DGKB: variants seen among roughly 807,000 people sequenced by gnomAD.
The protein encoded by DGKB is diacylglycerol kinase beta.
A neutral mutation model predicts 114.3 loss-of-function variants in DGKB; 67 were observed. That is an observed-to-expected ratio of 0.59 (90% confidence interval 0.48 to 0.72). The LOEUF is 0.72. Ranked by LOEUF, DGKB falls within the 30% of genes least tolerant of loss-of-function variation. The pLI is 0.00. For synonymous variants in DGKB, 398 were observed against 323.1 expected, an observed-to-expected ratio of 1.23 and a Z score of -2.49; for missense variants, 907 against 975.2, an observed-to-expected ratio of 0.93 and a Z score of 0.93.
At chr7:14,964,172 C>A (rs1787023273) in intron 1 of DGKB, among the ~76,000 whole-genome samples, 1 of 152,008 alleles carries the variant, frequency 6.6e-6, no homozygotes, top group Non-Finnish European at 1.5e-5. Flanking sequence ...TGTGCTAAGG[C>A]ATAGAGTCAC....
At chr7:14,752,181 G>C (rs149672467) in intron 4 of DGKB, among the ~76,000 whole-genome samples, 2 of 151,994 alleles carry the variant, frequency 1.3e-5, no homozygotes, top group African/African-American at 4.8e-5. Context: ...GGTTGAATTT[G>C]GTTCTAGAAG....
At chr7:14,356,814 GTTTCAAAGAACATC>G (rs892842608) in intron 21 of DGKB, among the ~76,000 whole-genome samples, 42 of 152,238 alleles carry the variant, frequency 2.8e-4, no homozygotes, top group Admixed American at 1.5e-3. Context: ...GTTCTCATTG[GTTTCAAAGAACATC>G]TTTATTTCTG....
At chr7:14,649,867 T>G (rs968221757) in intron 13 of DGKB, among the ~76,000 whole-genome samples, 217 of 139,378 alleles carry the variant, frequency 1.6e-3, no homozygotes, top group Non-Finnish European at 2.2e-3. Flanking sequence ...TAAAACAGAC[T>G]TTAAACCAAC....
At chr7:14,537,006 C>T (rs1431278399) in intron 20 of DGKB, among the ~76,000 whole-genome samples, 2 of 152,064 alleles carry the variant, frequency 1.3e-5, no homozygotes, top group African/African-American at 2.4e-5. Flanking sequence ...AAAGCAGTTG[C>T]ATTTCTATCC....
intron 20 of DGKB, among the ~76,000 whole-genome samples, chr7:14,540,389 G>A (rs1053999385): frequency 5.9e-5 from 9 of 152,156 alleles, no homozygotes; most frequent in African/African-American, 2.2e-4. Flanking sequence ...AGAGGTGATT[G>A]TGCTTTGTTT....
chr7:14,944,711 A>C (rs1785771707), intron 1 of DGKB, among the ~76,000 whole-genome samples: 1 of 151,760 alleles, frequency 6.6e-6, no homozygotes, highest in Non-Finnish European at 1.5e-5. Flanking sequence ...TCATAGGGAC[A>C]TCTCATAGGT....
At chr7:14,596,740 T>C (rs904671038) in intron 17 of DGKB, among the ~76,000 whole-genome samples, 1 of 152,158 alleles carries the variant, frequency 6.6e-6, no homozygotes, top group Non-Finnish European at 1.5e-5. Flanking sequence ...TTTTTCCATA[T>C]AGATGCCCAA....
At chr7:14,436,195 T>C (rs1829238343) in intron 21 of DGKB, among the ~76,000 whole-genome samples, 1 of 152,160 alleles carries the variant, frequency 6.6e-6, no homozygotes, top group South Asian at 2.1e-4. Context: ...TAAAATGTTG[T>C]TAATACACTG....
chr7:14,289,772 C>T (rs1181564971), intron 23 of DGKB, among the ~76,000 whole-genome samples: 1 of 144,444 alleles, frequency 6.9e-6, no homozygotes, highest in Non-Finnish European at 1.5e-5. Flanking sequence ...AACACAAAAC[C>T]CTAATGAAAG....
intron 23 of DGKB, among the ~76,000 whole-genome samples, chr7:14,263,567 G>T (rs1374759539): frequency 6.6e-6 from 1 of 152,158 alleles, no homozygotes; most frequent in African/African-American, 2.4e-5. Context: ...TTAGGAATCA[G>T]TTCAGATATT....
intron 20 of DGKB, among the ~76,000 whole-genome samples, chr7:14,479,444 G>T (rs1782670564): frequency 1.3e-5 from 2 of 152,020 alleles, no homozygotes; most frequent in African/African-American, 4.8e-5. Context: ...GTAATTGAAT[G>T]AATCCATGAA....
At chr7:14,269,120 G>A (rs1049762748) in intron 23 of DGKB, 1 of 152,292 alleles carries the variant, frequency 6.6e-6, no homozygotes, top group Non-Finnish European at 1.5e-5. Context: ...TCGGCAGAAA[G>A]CCTTAGCTCC....
intron 20 of DGKB, among the ~76,000 whole-genome samples, chr7:14,560,823 T>G (rs1796549298): frequency 6.6e-6 from 1 of 152,182 alleles, no homozygotes; most frequent in African/African-American, 2.4e-5. Flanking sequence ...ATCCCAACAT[T>G]ATGCAGGAGT....
At chr7:14,180,754 G>T (rs967632891) in intron 23 of DGKB, among the ~76,000 whole-genome samples, 1 of 152,066 alleles carries the variant, frequency 6.6e-6, no homozygotes, top group South Asian at 2.1e-4. Flanking sequence ...TGAGATCAGG[G>T]TCCTGATTGA....
rs142341108 is a variant in DGKB, at chr7:14,930,817, G to A, written c.-188+43879C>T. On this transcript the variant is annotated intron_variant, in intron 1 of 4. Transcript: ENST00000437998. ...GAGGGAATGATTTCAACTTTTCCCT[G>A]TTCAGTATGATGTTGGTTGTGGGTT... 2.1e-3 allele frequency among the ~76,000 whole-genome samples: 322 copies of A among 152,186 alleles called. 4 individuals carry two copies. The highest frequency in any genetic ancestry group is 7.5e-3 in the African/African-American group (311 of 41,542).
chr7:14,911,759 G>A (rs562403733), intron 1 of DGKB, among the ~76,000 whole-genome samples: 13 of 152,262 alleles, frequency 8.5e-5, no homozygotes, highest in South Asian at 4.1e-4. Context: ...GCAAAACTGC[G>A]ACAACGCTGT....
chr7:14,564,250 G>C (rs1324698860), intron 20 of DGKB, among the ~76,000 whole-genome samples: 1 of 152,112 alleles, frequency 6.6e-6, no homozygotes, highest in Non-Finnish European at 1.5e-5. Flanking sequence ...ACAGAAACTA[G>C]TCTTCCAGGG....
intron 23 of DGKB, among the ~76,000 whole-genome samples, chr7:14,256,864 T>C (rs2128402479): frequency 6.6e-6 from 1 of 152,284 alleles, no homozygotes; most frequent in Middle Eastern, 3.4e-3. Context: ...TCTCTTCTAA[T>C]TAAATTATGA....
At chr7:14,306,845 GC>G (rs1407150178) in intron 23 of DGKB, among the ~76,000 whole-genome samples, 1 of 152,138 alleles carries the variant, frequency 6.6e-6, no homozygotes. Context: ...ATGCTACGAT[GC>G]TTTTGGCTCT....
Sources: allele counts gnomAD v4.1 joint callset (sites outside exome capture counted in the v4.1 genomes callset), GRCh38; gene constraint gnomAD v4.1.1; transcripts MANE v1.5; gene names NCBI Gene and HGNC (gene_info 2026-07-23, HGNC 2026-07-21).